Variants in ARHGAP8 observed in about 807,000 individuals in gnomAD.
ARHGAP8 encodes the protein Rho GTPase activating protein 8.
Under a neutral mutation model 46.1 loss-of-function variants are expected in ARHGAP8, and 62 were observed. The ratio of observed to expected loss-of-function variants is 1.34; its 90% CI spans 1.10 to 1.66. ARHGAP8 has a LOEUF of 1.66. Among genes scored for constraint, ARHGAP8 ranks in the 40% most tolerant of loss-of-function variants. The probability of loss-of-function intolerance (pLI) is 0.00; values close to 1 mark genes in which losing one functional copy is unlikely to be tolerated. For missense variants in ARHGAP8, 923 were observed against 568.4 expected, an observed-to-expected ratio of 1.62 and a Z score of -6.34; for synonymous variants, 375 against 243.1, an observed-to-expected ratio of 1.54 and a Z score of -5.05.
intron 10 of ARHGAP8, among the ~76,000 whole-genome samples, chr22:44,851,992 A>G (rs28493552): frequency 0.22 from 33,369 of 151,820 alleles, 4,434 homozygotes; most frequent in Admixed American, 0.28. Context: ...GGAGTTTGAG[A>G]TCAGCCTGGC....
intron 10 of ARHGAP8, chr22:44,850,757 G>A (rs1451091007): frequency 6.6e-6 from 1 of 151,936 alleles, no homozygotes; most frequent in Non-Finnish European, 1.5e-5. Flanking sequence ...CTTGTCATAG[G>A]AGTTCAAGAC....
rs1392503308 is a variant in ARHGAP8 at position 44,862,285 on chromosome 22, A to G, written c.992A>G (p.Glu331Gly). 1.3e-6 allele frequency: 2 copies of G among 1,592,318 alleles called. No homozygotes were observed. The highest frequency in any genetic ancestry group is 1.7e-6 in the Non-Finnish European group (2 of 1,163,880). ...TGTGGTTTCCTCCAGGTGTCCCGGG[A>G]GAGCATCTTCAACAAAATGAACAGC... ...LMGFLHAVSR[E>G]SIFNKMNSSN... The change falls in exon 12 of 12, where the codon GAG (glutamate) becomes GGG (glycine). Residue 331 changes from glutamate to glycine, a missense_variant. Transcript: ENST00000356099.
At chr22:44,818,646 A>G (rs910196774) in intron 5 of ARHGAP8, among the ~76,000 whole-genome samples, 1 of 152,128 alleles carries the variant, frequency 6.6e-6, no homozygotes, top group African/African-American at 2.4e-5. Flanking sequence ...CATTGTCATA[A>G]TAATTCACTG....
chr22:44,856,512 G>A (rs867051010), intron 10 of ARHGAP8, among the ~76,000 whole-genome samples: 2 of 152,022 alleles, frequency 1.3e-5, no homozygotes, highest in Admixed American at 6.6e-5. Context: ...GATCTCAGGT[G>A]ATCCATCCGT....
In ARHGAP8 at chr22:44,854,024, C is replaced by CAAAAAAA. The variant is rs71315119; in HGVS notation, c.877+4996_877+5002dup. Among the ~76,000 whole-genome samples, 60 of 43,302 alleles carry CAAAAAAA rather than the reference C, an allele frequency of 1.4e-3. 10 individuals are homozygous for CAAAAAAA. Among genetic ancestry groups the CAAAAAAA allele is most frequent in the East Asian group, 2.8e-3 (4 of 1,444 alleles). The allele number at this position is 43,302 out of a possible 152,430, so 28.4% of individuals were successfully genotyped here. ...CCTGGGACACAGCGAGACTCTGTCT[C>CAAAAAAA]AAAAAAAAAAAAAAAAAAAAAAAAA... On this transcript the variant is annotated intron_variant, in intron 10 of 11. Coordinates refer to ENST00000356099, the MANE Select transcript of ARHGAP8 (RefSeq NM_181335.3).
rs143547074 is a variant in ARHGAP8 at position 44,859,593 on chromosome 22, G to A, written c.878-138G>A. 23 of 841,086 alleles carry A rather than the reference G, an allele frequency of 2.7e-5. No homozygotes were observed. The African/African-American group carries it at 3.2e-4, about 12-fold the overall frequency. 52.1% of individuals were successfully genotyped at this position (841,086 alleles called of 1,614,324 possible). ...GCAGAGCCATACGGCCAGAAGATAA[G>A]TGGGGGTCCCAAGCCCAAATGTGGG... is the stretch of plus-strand genomic sequence containing the variant. On this transcript the variant is annotated intron_variant, in intron 10 of 11. Coordinates refer to ENST00000356099, the MANE Select transcript of ARHGAP8 (RefSeq NM_181335.3).
intron 4 of ARHGAP8, among the ~76,000 whole-genome samples, chr22:44,810,885 T>C (rs554258134): frequency 4.6e-5 from 7 of 152,228 alleles, no homozygotes; most frequent in Non-Finnish European, 1.0e-4. Flanking sequence ...CCATGGCAGG[T>C]GCTTGAGGAG....
chr22:44,793,376 G>C (rs1394141155), intron 2 of ARHGAP8, among the ~76,000 whole-genome samples: 1 of 152,126 alleles, frequency 6.6e-6, no homozygotes, highest in East Asian at 1.9e-4. Flanking sequence ...GTCCACGCCG[G>C]ACCTGGCCCT....
chr22:44,815,399 C>T (rs1221501404), intron 5 of ARHGAP8, among the ~76,000 whole-genome samples: 2 of 151,504 alleles, frequency 1.3e-5, no homozygotes, highest in South Asian at 2.1e-4. Flanking sequence ...AAATAAAACC[C>T]ACCCAAGGCC....
intron 10 of ARHGAP8, among the ~76,000 whole-genome samples, chr22:44,854,969 A>G (rs2070186074): frequency 6.6e-6 from 1 of 152,146 alleles, no homozygotes; most frequent in Admixed American, 6.5e-5. Context: ...TTAATAAACT[A>G]ACAATATCAG....
intron 2 of ARHGAP8, among the ~76,000 whole-genome samples, chr22:44,801,082 C>G (rs1602195097): frequency 1.7e-5 from 1 of 57,884 alleles, no homozygotes; most frequent in Non-Finnish European, 3.1e-5. Context: ...GTGTGAGGGG[C>G]ACCTCTCCCC....
chr22:44,765,687 G>A (rs1925501274), intron 1 of ARHGAP8, among the ~76,000 whole-genome samples: 1 of 152,184 alleles, frequency 6.6e-6, no homozygotes, highest in Non-Finnish European at 1.5e-5. Context: ...CCAAGGACAG[G>A]AGCAGCCCTC....
intron 3 of ARHGAP8, among the ~76,000 whole-genome samples, chr22:44,803,028 C>T (rs1928667711): frequency 6.6e-6 from 1 of 152,156 alleles, no homozygotes. Context: ...ACTGGCTCAG[C>T]AGGCATCTAT....
At chr22:44,795,576 G>T (rs1423537207) in intron 2 of ARHGAP8, among the ~76,000 whole-genome samples, 3 of 152,086 alleles carry the variant, frequency 2.0e-5, no homozygotes, top group Non-Finnish European at 4.4e-5. Context: ...TGGTGCGCTG[G>T]CAGGCCACGA....
At position 44,822,407 on chromosome 22, in the gene ARHGAP8, C is replaced by T. The variant is rs1361967080; in HGVS notation, c.423C>T (p.Tyr141=). The T allele has an allele frequency of 1.3e-6, 2 of 1,584,194 alleles. No individual in the cohort carries two copies. The highest frequency in any genetic ancestry group is 1.7e-6 in the Non-Finnish European group (2 of 1,170,550). The change falls in exon 6 of 12, where the codon TAC becomes TAT. Residue 141 remains tyrosine (Y), a synonymous_variant. Transcript: ENST00000356099. Reference sequence around the variant, plus strand: ...GGAAGAAAGTCATCTATTTCAACTACCTGAGTGAGCTCCACGAACACCTTA... The same window carrying T: ...GGAAGAAAGTCATCTATTTCAACTATCTGAGTGAGCTCCACGAACACCTTA... The part of the protein sequence containing the change: ...KFGKKVIYFN[Y]LSELHEHLKY...
intron 1 of ARHGAP8, among the ~76,000 whole-genome samples, chr22:44,764,359 G>A (rs1358902147): frequency 6.6e-6 from 1 of 152,242 alleles, no homozygotes; most frequent in Non-Finnish European, 1.5e-5. Flanking sequence ...GAAGAGGAGA[G>A]GGGTCCCATG....
intron 7 of ARHGAP8, among the ~76,000 whole-genome samples, chr22:44,838,132 C>A (rs1050431727): frequency 6.9e-6 from 1 of 145,826 alleles, no homozygotes; most frequent in Admixed American, 6.9e-5. Context: ...CGCCACCATG[C>A]CTGGCTAATT....
chr22:44,795,333 T>G (rs143647153), intron 2 of ARHGAP8, among the ~76,000 whole-genome samples: 1 of 152,264 alleles, frequency 6.6e-6, no homozygotes, highest in East Asian at 1.9e-4. Context: ...TGGGACCCTC[T>G]TACCCTCATT....
intron 1 of ARHGAP8, among the ~76,000 whole-genome samples, chr22:44,760,096 A>G (rs977069127): frequency 6.6e-6 from 1 of 152,206 alleles, no homozygotes; most frequent in Non-Finnish European, 1.5e-5. Context: ...GGTCACAGTC[A>G]GCTTGTTTGG....
Sources: allele counts gnomAD v4.1 joint callset (sites outside exome capture counted in the v4.1 genomes callset), GRCh38; gene constraint gnomAD v4.1.1; transcripts MANE v1.5; gene names NCBI Gene and HGNC (gene_info 2026-07-23, HGNC 2026-07-21).